The following MAP3K21 variants were observed in gnomAD, a reference collection of about 807,000 sequenced individuals.
The protein encoded by MAP3K21 is mitogen-activated protein kinase kinase kinase 21.
MAP3K21 carries 63 observed loss-of-function variants against 86.1 expected under a neutral mutation model. The observed-to-expected ratio is 0.73, with a 90% CI of 0.60 to 0.90. The LOEUF is 0.90. MAP3K21 is among the 40% of genes least tolerant of loss of function. MAP3K21 has a pLI of 0.00. For missense variants in MAP3K21, 1,220 were observed against 1,367.7 expected, an observed-to-expected ratio of 0.89 and a Z score of 1.70; for synonymous variants, 558 against 564.8, an observed-to-expected ratio of 0.99 and a Z score of 0.17.
intron 4 of MAP3K21, among the ~76,000 whole-genome samples, chr1:233,357,529 G>A (rs1244747992): frequency 6.6e-6 from 1 of 152,146 alleles, no homozygotes; most frequent in African/African-American, 2.4e-5. Flanking sequence ...TAAATGCAAC[G>A]TAAGACCATG....
intron 1 of MAP3K21, among the ~76,000 whole-genome samples, chr1:233,338,204 T>C (rs1013189566): frequency 1.3e-5 from 2 of 152,228 alleles, no homozygotes; most frequent in Admixed American, 6.5e-5. Context: ...TATTTCAGTA[T>C]ATGAGCAATG....
chr1:233,369,384 C>T (rs182536224), intron 5 of MAP3K21, among the ~76,000 whole-genome samples: 1 of 151,960 alleles, frequency 6.6e-6, no homozygotes, highest in East Asian at 1.9e-4. Context: ...AGCAAGACTC[C>T]ATCTCCAAAA....
At chr1:233,333,308 A>G (rs1346682757) in intron 1 of MAP3K21, among the ~76,000 whole-genome samples, 1 of 152,222 alleles carries the variant, frequency 6.6e-6, no homozygotes, top group Non-Finnish European at 1.5e-5. Flanking sequence ...GGCACAGAGA[A>G]GTCAGTCCAG....
At chr1:233,359,127 T>C (rs1663422192) in intron 4 of MAP3K21, among the ~76,000 whole-genome samples, 1 of 152,208 alleles carries the variant, frequency 6.6e-6, no homozygotes, top group South Asian at 2.1e-4. Context: ...TTTAACGTAT[T>C]TTAATTATTG....
Position 233,328,887 on chromosome 1 carries a change from G to T in MAP3K21, c.805+54G>T. ...AGACTACCTCCGTGCCAGCCCAGGCGGGCTCCACAGGACATAGTACCAGAT... is the reference window on the plus strand; with the variant it reads ...AGACTACCTCCGTGCCAGCCCAGGCTGGCTCCACAGGACATAGTACCAGAT... On this transcript the variant is annotated intron_variant, in intron 1 of 9. Transcript: ENST00000366624. This position sits in a 1 kb window ranked among gnomAD's most constrained non-coding sequence, Gnocchi z 8.7. 1.4e-6 allele frequency: 2 copies of T among 1,389,288 alleles called. No homozygotes were observed. The highest frequency in any genetic ancestry group is 1.9e-6 in the Non-Finnish European group (2 of 1,064,064). The allele number at this position is 1,389,288 out of a possible 1,614,324, so 86.1% of individuals were successfully genotyped here. A position where few individuals can be genotyped will look rare whatever the true frequency, so the allele number is the denominator to read the frequency against.
chr1:233,358,072 T>A (rs1205352550), intron 4 of MAP3K21, among the ~76,000 whole-genome samples: 28 of 151,910 alleles, frequency 1.8e-4, no homozygotes, highest in Admixed American at 3.3e-4. Context: ...TTTTTTTTTT[T>A]TATACTTTAA....
chr1:233,344,227 C>T (rs1401399099), intron 1 of MAP3K21, among the ~76,000 whole-genome samples: 3 of 152,334 alleles, frequency 2.0e-5, no homozygotes, highest in Non-Finnish European at 2.9e-5. Flanking sequence ...TTGGAGAAAA[C>T]TACTTTAAAG....
At chr1:233,356,805 A>G (rs1453069497) in intron 4 of MAP3K21, among the ~76,000 whole-genome samples, 1 of 152,230 alleles carries the variant, frequency 6.6e-6, no homozygotes, top group African/African-American at 2.4e-5. Context: ...GAAACTGACT[A>G]TAAATGAAAT....
chr1:233,353,212 T>C (rs543693616), intron 2 of MAP3K21, among the ~76,000 whole-genome samples: 3 of 152,252 alleles, frequency 2.0e-5, no homozygotes, highest in East Asian at 3.9e-4. Context: ...TGCCAGCAGG[T>C]GTAAGGGGGC....
At chr1:233,367,439 C>G (rs1163073346) in intron 5 of MAP3K21, among the ~76,000 whole-genome samples, 1 of 152,194 alleles carries the variant, frequency 6.6e-6, no homozygotes, top group Non-Finnish European at 1.5e-5. Flanking sequence ...AACCATTATT[C>G]TAGTGAGTAC....
At chr1:233,331,470 G>A (rs1662807976) in intron 1 of MAP3K21, among the ~76,000 whole-genome samples, 1 of 152,186 alleles carries the variant, frequency 6.6e-6, no homozygotes, top group Admixed American at 6.5e-5. Context: ...ATTCTCTGCT[G>A]ATATATGAAG....
At position 233,336,375 on chromosome 1, in the gene MAP3K21, T is replaced by C. The variant is rs369869835; in HGVS notation, c.805+7542T>C. Among the ~76,000 whole-genome samples, 21 of 152,068 alleles carry C rather than the reference T, an allele frequency of 1.4e-4. No homozygotes were observed. The South Asian group carries it at 1.7e-3, about 12-fold the overall frequency. On this transcript the variant is annotated intron_variant, in intron 1 of 9. Coordinates refer to ENST00000366624, the MANE Select transcript of MAP3K21 (RefSeq NM_032435.3). ...GGCCAACATGGTGAAACCCTGTCTC[T>C]ACTAAAAATACAGAAATTAGCCGGA... is the stretch of plus-strand genomic sequence containing the variant.
intron 1 of MAP3K21, among the ~76,000 whole-genome samples, chr1:233,332,596 A>G (rs938753919): frequency 5.3e-5 from 8 of 152,170 alleles, no homozygotes; most frequent in Admixed American, 2.6e-4. Flanking sequence ...AAGGTTGTCT[A>G]TATGAGAGGA....
rs1174628182 is a variant in MAP3K21 at position 233,328,851 on chromosome 1, G to T, written c.805+18G>T. 3 of 1,489,644 alleles carry T rather than the reference G, an allele frequency of 2.0e-6. No homozygotes were observed. The South Asian group carries it at 3.8e-5, about 19-fold the overall frequency. The allele number at this position is 1,489,644 out of a possible 1,614,324, so 92.3% of individuals were successfully genotyped here. A position where few individuals can be genotyped will look rare whatever the true frequency, so the allele number is the denominator to read the frequency against. On this transcript the variant is annotated intron_variant, in intron 1 of 9. Coordinates refer to ENST00000366624, the MANE Select transcript of MAP3K21 (RefSeq NM_032435.3). The surrounding 1 kb of genome is among the most constrained non-coding windows in gnomAD (Gnocchi z 8.7). ...CAGCAACAGTAAGTGGGGCCAGAGG[G>T]AGGTGGGGGAAGACTACCTCCGTGC...
chr1:233,355,044 C>T (rs537801126), intron 4 of MAP3K21, 33 bp downstream of exon 4: 1 of 1,494,288 alleles, frequency 6.7e-7, no homozygotes, highest in African/African-American at 1.4e-5. Context: ...ATAATGTACT[C>T]AAATTTATGA....
At chr1:233,371,857 G>C (rs913988365) in intron 5 of MAP3K21, among the ~76,000 whole-genome samples, 181 bp from the exon 6 acceptor site, 1 of 151,492 alleles carries the variant, frequency 6.6e-6, no homozygotes, top group African/African-American at 2.4e-5. Flanking sequence ...TATAAGCTCA[G>C]AATCATTATT....
intron 4 of MAP3K21, among the ~76,000 whole-genome samples, chr1:233,361,156 T>C (rs749194817): frequency 7.9e-5 from 12 of 152,336 alleles, no homozygotes; most frequent in Admixed American, 3.3e-4. Context: ...AATGGGGATA[T>C]AATTTTAAAA....
chr1:233,341,591 C>T (rs988812526), intron 1 of MAP3K21, among the ~76,000 whole-genome samples: 2 of 152,198 alleles, frequency 1.3e-5, no homozygotes, highest in Admixed American at 1.3e-4. Flanking sequence ...CTGCTAATAT[C>T]ATACGCTGCC....
chr1:233,339,005 C>T (rs1355282806), intron 1 of MAP3K21, among the ~76,000 whole-genome samples: 2 of 152,100 alleles, frequency 1.3e-5, no homozygotes, highest in East Asian at 3.9e-4. Context: ...ACTGAGTCCT[C>T]GTAGTCTCCA....
Sources: allele counts gnomAD v4.1 joint callset (sites outside exome capture counted in the v4.1 genomes callset), GRCh38; gene constraint gnomAD v4.1.1; non-coding constraint Gnocchi (gnomAD v3.1); transcripts MANE v1.5; gene names NCBI Gene and HGNC (gene_info 2026-07-23, HGNC 2026-07-21).